The following PTK2B variants were observed in gnomAD, a reference collection of about 807,000 sequenced individuals.
PTK2B encodes protein tyrosine kinase 2 beta.
Under a neutral mutation model 142.9 loss-of-function variants are expected in PTK2B, and 71 were observed. The ratio of observed to expected loss-of-function variants is 0.50; its 90% CI spans 0.41 to 0.61. The LOEUF (loss-of-function observed/expected upper bound fraction) is 0.61, where lower values mean the gene tolerates loss of function less well. Among genes scored for constraint, PTK2B ranks in the 20% least tolerant of loss-of-function variants. The probability of loss-of-function intolerance (pLI) is 0.00; values close to 1 mark genes in which losing one functional copy is unlikely to be tolerated. For missense variants in PTK2B, 1,105 were observed against 1,320.4 expected (o/e 0.84, Z 2.53); for synonymous variants, 519 against 503.4 (o/e 1.03, Z -0.42).
At chr8:27,434,457 G>A (rs781065337) in intron 12 of PTK2B, 56 bp from the exon 13 acceptor site, 50 of 1,561,132 alleles carry the variant, frequency 3.2e-5, no homozygotes, top group Non-Finnish European at 4.3e-5. Flanking sequence ...AGGCTGCCCA[G>A]GGGAACATTA....
chr8:27,314,638 G>A (rs562532392), intron 3 of PTK2B, among the ~76,000 whole-genome samples: 1 of 152,328 alleles, frequency 6.6e-6, no homozygotes, highest in South Asian at 2.1e-4. Flanking sequence ...CCTCCAGAGG[G>A]TATTTAAACC....
rs77760148 is a variant in PTK2B, at chr8:27,340,747, C to T, written c.-38+15066C>T. 4.5e-3 allele frequency among the ~76,000 whole-genome samples: 686 copies of T among 152,316 alleles called. 7 individuals carry two copies. Among genetic ancestry groups the T allele is most frequent in the East Asian group, 0.035 (183 of 5,178 alleles). On this transcript the variant is annotated intron_variant, in intron 1 of 30. Coordinates refer to ENST00000346049, the MANE Select transcript of PTK2B (RefSeq NM_173176.3). ...GGCCAGGGCTGCAGGCAGGGCTGAG[C>T]TGGTGCAGCAAGTGGGAGGTGCCAG...
intron 1 of PTK2B, among the ~76,000 whole-genome samples, chr8:27,376,851 C>CT (rs746950725): frequency 6.6e-6 from 1 of 152,244 alleles, no homozygotes; most frequent in Non-Finnish European, 1.5e-5. Flanking sequence ...AAACAGCAGC[C>CT]TTCAAGACTG....
chr8:27,340,666 C>T (rs1005048962), intron 1 of PTK2B, among the ~76,000 whole-genome samples: 8 of 152,252 alleles, frequency 5.3e-5, no homozygotes, highest in Admixed American at 2.0e-4. Context: ...GGAGCTCTTG[C>T]ACCAAGCATG....
chr8:27,335,074 C>T (rs774256914), intron 1 of PTK2B, among the ~76,000 whole-genome samples: 5 of 152,118 alleles, frequency 3.3e-5, no homozygotes, highest in East Asian at 1.9e-4. Context: ...TGCAATGCTC[C>T]GGGAAAATGG....
chr8:27,443,054 C>G, intron 22 of PTK2B, 71 bp downstream of exon 22: 2 of 1,080,766 alleles, frequency 1.9e-6, no homozygotes, highest in Admixed American at 3.8e-5. Context: ...ATCCATGTCC[C>G]CCTTACTGCA....
chr8:27,449,864 A>T (rs1045741090), intron 24 of PTK2B, among the ~76,000 whole-genome samples: 1 of 152,236 alleles, frequency 6.6e-6, no homozygotes, highest in Non-Finnish European at 1.5e-5. Context: ...TTAAAGCAAG[A>T]GTTAGATTAC....
intron 9 of PTK2B, 157 bp from the exon 10 acceptor site, chr8:27,432,103 C>G (rs1810467243): frequency 1.6e-6 from 1 of 616,654 alleles, no homozygotes; most frequent in Non-Finnish European, 2.8e-6. Context: ...CACCCCTGAA[C>G]TAGAGGATCC....
rs1317157162 is a variant in PTK2B at position 27,391,450 on chromosome 8, G to A, written c.-37-6098G>A. 4.6e-5 allele frequency among the ~76,000 whole-genome samples: 7 copies of A among 152,176 alleles called. No homozygotes were observed. The East Asian group carries it at 9.6e-4, about 21-fold the overall frequency. On this transcript the variant is annotated intron_variant, in intron 1 of 30. Coordinates refer to ENST00000346049, the MANE Select transcript of PTK2B (RefSeq NM_173176.3). ...ATGCATTTTATGTTTGGGACTCTCA[G>A]CATCCCCTCTGGTGTCTGCCTCCCC...
chr8:27,399,152 T>C (rs537780804), intron 2 of PTK2B, among the ~76,000 whole-genome samples: 1 of 152,370 alleles, frequency 6.6e-6, no homozygotes, highest in South Asian at 2.1e-4. Flanking sequence ...ACTAGTTTAA[T>C]TTTCAGAAGT....
At chr8:27,340,394 G>A (rs1421706963) in intron 1 of PTK2B, among the ~76,000 whole-genome samples, 1 of 152,208 alleles carries the variant, frequency 6.6e-6, no homozygotes, top group Non-Finnish European at 1.5e-5. Flanking sequence ...CACAGCATAT[G>A]CAAAGATAAG....
rs146060968 is a variant in PTK2B, at chr8:27,438,064, G to A, written c.1643+184G>A. ...TGTGTCCTCATCTGTAAAGTTGCAGGCACTGTATGTACCTCATGGGGTTGT... is the reference window on the plus strand; with the variant it reads ...TGTGTCCTCATCTGTAAAGTTGCAGACACTGTATGTACCTCATGGGGTTGT... On this transcript the variant is annotated intron_variant, in intron 18 of 30. Coordinates refer to ENST00000346049, the MANE Select transcript of PTK2B (RefSeq NM_173176.3). 3,105 of 598,180 alleles carry A rather than the reference G, an allele frequency of 5.2e-3. 17 individuals are homozygous for A. The highest frequency in any genetic ancestry group is 7.1e-3 in the Non-Finnish European group (2,370 of 335,156). The allele number at this position is 598,180 out of a possible 1,614,324, so 37.1% of individuals were successfully genotyped here.
intron 1 of PTK2B, among the ~76,000 whole-genome samples, chr8:27,349,525 G>A (rs1460674267): frequency 6.6e-6 from 1 of 152,222 alleles, no homozygotes; most frequent in South Asian, 2.1e-4. Flanking sequence ...ACAGTGCATT[G>A]GCAGGAATGC....
intron 19 of PTK2B, 76 bp downstream of exon 19, chr8:27,439,207 A>G (rs1434968786): frequency 7.0e-6 from 11 of 1,562,236 alleles, no homozygotes; most frequent in Non-Finnish European, 9.7e-6. Context: ...AAGGAAGTCT[A>G]CAGTTGGACA....
At chr8:27,391,427 G>A (rs1228262844) in intron 1 of PTK2B, among the ~76,000 whole-genome samples, 1 of 152,202 alleles carries the variant, frequency 6.6e-6, no homozygotes, top group African/African-American at 2.4e-5. Flanking sequence ...TCAAGACCAT[G>A]CATTTTATGT....
At chr8:27,412,285 C>T (rs559945055) in intron 2 of PTK2B, among the ~76,000 whole-genome samples, 5 of 152,170 alleles carry the variant, frequency 3.3e-5, no homozygotes, top group Admixed American at 1.3e-4. Flanking sequence ...TCTGATTACC[C>T]GGTTGGTCTT....
exon 2 of PTK2B, chr8:27,312,360 G>C (rs1232509749): frequency 6.6e-6 from 1 of 152,134 alleles, no homozygotes; most frequent in Non-Finnish European, 1.5e-5. Flanking sequence ...CCAAAGATCT[G>C]GCAGACTTAT....
intron 2 of PTK2B, 131 bp downstream of exon 2, chr8:27,397,919 G>C: frequency 1.7e-6 from 2 of 1,155,070 alleles, no homozygotes; most frequent in Non-Finnish European, 2.5e-6. Context: ...GGTGGCATCA[G>C]AGAGATGTGC....
intron 2 of PTK2B, among the ~76,000 whole-genome samples, chr8:27,405,431 T>G (rs1409606405): frequency 6.6e-6 from 1 of 152,194 alleles, no homozygotes; most frequent in Non-Finnish European, 1.5e-5. Flanking sequence ...GTTGCCATTT[T>G]TGAAAGAAAA....
Sources: allele counts gnomAD v4.1 joint callset (sites outside exome capture counted in the v4.1 genomes callset), GRCh38; gene constraint gnomAD v4.1.1; transcripts MANE v1.5; gene names NCBI Gene and HGNC (gene_info 2026-07-23, HGNC 2026-07-21).